The following CFAP299 variants were observed in gnomAD, a reference collection of about 807,000 sequenced individuals.
The protein encoded by CFAP299 is cilia and flagella associated protein 299.
In CFAP299, 21 loss-of-function variants were observed where a neutral mutation model predicts 27.0. The ratio of observed to expected loss-of-function variants is 0.78; its 90% CI spans 0.55 to 1.12. The LOEUF (loss-of-function observed/expected upper bound fraction) is 1.12. Ranked by LOEUF, CFAP299 falls within the 50% of genes most tolerant of loss-of-function variation. The pLI, the probability that CFAP299 is intolerant of heterozygous loss-of-function variation, is 0.00. For synonymous variants in CFAP299, 104 were observed against 98.1 expected, an observed-to-expected ratio of 1.06 and a Z score of -0.36; for missense variants, 310 against 276.6, an observed-to-expected ratio of 1.12 and a Z score of -0.86.
At position 80,847,372 on chromosome 4, in the gene CFAP299, G is replaced by T. The variant is rs79455002; in HGVS notation, c.334-22621G>T. 3.7e-3 allele frequency among the ~76,000 whole-genome samples: 558 copies of T among 152,244 alleles called. 3 individuals are homozygous for T. Among genetic ancestry groups the T allele is most frequent in the African/African-American group, 0.013 (543 of 41,530 alleles). ...ACACAATCTCTCTGCAATTCTGTCG[G>T]ATACCCACATACAACTCTTCCTCCC... On this transcript the variant is annotated intron_variant, in intron 3 of 5. Transcript: ENST00000358105.
intron 2 of CFAP299, among the ~76,000 whole-genome samples, chr4:80,389,440 A>G (rs186000396): frequency 3.3e-5 from 5 of 152,316 alleles, no homozygotes; most frequent in Admixed American, 3.3e-4. Context: ...GAAATTAAAA[A>G]TTAAGGCAAT....
chr4:80,596,844 A>G (rs1434249215), intron 3 of CFAP299, among the ~76,000 whole-genome samples: 1 of 152,116 alleles, frequency 6.6e-6, no homozygotes, highest in Non-Finnish European at 1.5e-5. Flanking sequence ...ATAGAACCAT[A>G]TTTTCTGACT....
chr4:80,527,462 A>G (rs1372495299), intron 2 of CFAP299, among the ~76,000 whole-genome samples: 1 of 152,118 alleles, frequency 6.6e-6, no homozygotes, highest in Non-Finnish European at 1.5e-5. Context: ...TCTTTCTAGA[A>G]TATCACTTTC....
chr4:80,630,617 CAAGGA>C (rs1427044857), intron 3 of CFAP299, among the ~76,000 whole-genome samples: 6 of 151,650 alleles, frequency 4.0e-5, no homozygotes, highest in African/African-American at 1.5e-4. Flanking sequence ...GGAATCATTT[CAAGGA>C]AAGACAAAGA....
At chr4:80,799,850 T>C (rs1297967871) in intron 3 of CFAP299, among the ~76,000 whole-genome samples, 1 of 33,450 alleles carries the variant, frequency 3.0e-5, no homozygotes, top group Non-Finnish European at 4.7e-5. Flanking sequence ...TATTATATAA[T>C]ATATAAATAT....
intron 3 of CFAP299, among the ~76,000 whole-genome samples, chr4:80,711,329 A>T (rs1175982331): frequency 6.6e-6 from 1 of 152,014 alleles, no homozygotes; most frequent in African/African-American, 2.4e-5. Flanking sequence ...GGAGCCACAG[A>T]GCTGGAGCAG....
intron 4 of CFAP299, among the ~76,000 whole-genome samples, chr4:80,889,508 G>C (rs551803582): frequency 6.6e-6 from 1 of 151,886 alleles, no homozygotes; most frequent in African/African-American, 2.4e-5. Flanking sequence ...GAAACGCCTG[G>C]GACCCAATGG....
rs138873881 is a variant in CFAP299, at chr4:80,572,781, T to G, written c.243-10312T>G. On this transcript the variant is annotated intron_variant, in intron 2 of 5. Transcript: ENST00000358105. ...ATCCGCCCACCTGGGCCTCCCAAAG[T>G]GCTGGAATTACAGGCGTGAGCCATC... Among the ~76,000 whole-genome samples, 1,140 of 152,124 alleles carry G rather than the reference T, an allele frequency of 7.5e-3. 11 individuals carry two copies. The highest frequency in any genetic ancestry group is 9.2e-3 in the Non-Finnish European group (626 of 67,972).
chr4:80,653,846 A>G (rs6535091), intron 3 of CFAP299, among the ~76,000 whole-genome samples: 141,960 of 152,230 alleles, frequency 0.93, 66,265 homozygotes, highest in East Asian at 1. Flanking sequence ...TTAAACAATA[A>G]TGTAGTAGTC....
At chr4:80,388,738 ATAAT>A in intron 2 of CFAP299, 1 of 538,088 alleles carries the variant, frequency 1.9e-6, no homozygotes, top group Non-Finnish European at 3.2e-6. Flanking sequence ...TATATTTCTT[ATAAT>A]TAATCAATAG....
intron 2 of CFAP299, among the ~76,000 whole-genome samples, chr4:80,541,327 C>T (rs187987300): frequency 3.9e-5 from 6 of 152,154 alleles, no homozygotes; most frequent in South Asian, 2.1e-4. Flanking sequence ...TTAGTAATTC[C>T]GATCATTGTA....
At chr4:80,435,490 C>T (rs1728021888) in intron 2 of CFAP299, among the ~76,000 whole-genome samples, 1 of 152,148 alleles carries the variant, frequency 6.6e-6, no homozygotes, top group South Asian at 2.1e-4. Flanking sequence ...ACAACATGGC[C>T]TGAAAAAGCC....
chr4:80,735,684 T>C (rs931072004), intron 3 of CFAP299, among the ~76,000 whole-genome samples: 2 of 152,146 alleles, frequency 1.3e-5, no homozygotes, highest in African/African-American at 4.8e-5. Flanking sequence ...TCAGCACCAG[T>C]CAAAATGATC....
At chr4:80,481,250 G>A (rs184319103) in intron 2 of CFAP299, among the ~76,000 whole-genome samples, 10 of 152,086 alleles carry the variant, frequency 6.6e-5, no homozygotes, top group African/African-American at 2.4e-4. Context: ...TTCCTAGTTG[G>A]TTGTTTCTGG....
At chr4:80,954,935 G>A (rs1485899582) in intron 5 of CFAP299, among the ~76,000 whole-genome samples, 1 of 143,872 alleles carries the variant, frequency 7.0e-6, no homozygotes, top group Non-Finnish European at 1.5e-5. Context: ...AGGAGACGGA[G>A]CTTGCAGTGA....
At chr4:80,827,978 G>A (rs1258419892) in intron 3 of CFAP299, among the ~76,000 whole-genome samples, 2 of 151,808 alleles carry the variant, frequency 1.3e-5, no homozygotes, top group African/African-American at 4.8e-5. Context: ...AAATACTTAG[G>A]AATTAACCAC....
chr4:80,928,284 G>T (rs1736402691), intron 4 of CFAP299, among the ~76,000 whole-genome samples: 1 of 152,056 alleles, frequency 6.6e-6, no homozygotes, highest in African/African-American at 2.4e-5. Flanking sequence ...AGAGTGGCCA[G>T]TATCTCTCAC....
intron 3 of CFAP299, among the ~76,000 whole-genome samples, chr4:80,863,542 A>G (rs1397307770): frequency 6.6e-6 from 1 of 152,194 alleles, no homozygotes; most frequent in East Asian, 1.9e-4. Flanking sequence ...CTCAGATTCT[A>G]CATGCCCCTT....
At chr4:80,937,485 G>A (rs889426823) in intron 4 of CFAP299, among the ~76,000 whole-genome samples, 2 of 150,758 alleles carry the variant, frequency 1.3e-5, no homozygotes, top group Admixed American at 1.3e-4. Flanking sequence ...CCTGGCTAAT[G>A]TTTTTGTATT....
Sources: gnomAD v4.1 joint callset for allele counts (sites outside exome capture counted in the v4.1 genomes callset) on GRCh38, gnomAD v4.1.1 for gene constraint, MANE v1.5 for transcripts, NCBI Gene and HGNC (gene_info 2026-07-23, HGNC 2026-07-21) for gene names.